The following MMP26 variants were observed in gnomAD, a reference collection of about 807,000 sequenced individuals.
MMP26 encodes the protein matrix metallopeptidase 26.
MMP26 carries 33 observed loss-of-function variants against 31.0 expected under a neutral mutation model. The observed-to-expected ratio is 1.06, with a 90% CI of 0.81 to 1.42. MMP26 has a LOEUF of 1.42. Among genes scored for constraint, MMP26 ranks in the 40% most tolerant of loss-of-function variants. The probability of loss-of-function intolerance (pLI) is 0.00; values close to 1 mark genes in which losing one functional copy is unlikely to be tolerated. For synonymous variants in MMP26, 122 were observed against 114.9 expected, an observed-to-expected ratio of 1.06 and a Z score of -0.40; for missense variants, 347 against 316.1, an observed-to-expected ratio of 1.10 and a Z score of -0.74.
intron 2 of MMP26, among the ~76,000 whole-genome samples, chr11:4,888,207 T>C (rs1280051953): frequency 1.3e-5 from 2 of 152,268 alleles, no homozygotes; most frequent in East Asian, 3.9e-4. Flanking sequence ...TGACTTATTC[T>C]AAATTTTATG....
chr11:4,769,031 A>G (rs2133419302), intron 2 of MMP26: 1 of 1,527,958 alleles, frequency 6.5e-7, no homozygotes, highest in Non-Finnish European at 8.8e-7. Flanking sequence ...TTTTGTTTTT[A>G]CACTGTCGAT....
chr11:4,815,047 A>G (rs2052145551), intron 2 of MMP26, among the ~76,000 whole-genome samples: 1 of 152,192 alleles, frequency 6.6e-6, no homozygotes, highest in South Asian at 2.1e-4. Flanking sequence ...CTGGAAAGGC[A>G]GGACAACTCA....
At chr11:4,821,797 G>A (rs1339075005) in intron 2 of MMP26, 1 of 1,613,030 alleles carries the variant, frequency 6.2e-7, no homozygotes, top group South Asian at 1.1e-5. Context: ...TGATCGTTTT[G>A]TGGCCATCTG....
intron 1 of MMP26, among the ~76,000 whole-genome samples, chr11:4,762,506 A>G (rs1044118044): frequency 6.6e-6 from 1 of 152,188 alleles, no homozygotes; most frequent in Non-Finnish European, 1.5e-5. Flanking sequence ...TGTTATAATA[A>G]TCAAGATAGT....
chr11:4,897,639 C>A (rs1850729430), intron 2 of MMP26, among the ~76,000 whole-genome samples: 3 of 151,876 alleles, frequency 2.0e-5, no homozygotes, highest in African/African-American at 7.2e-5. Flanking sequence ...ATTTCCTCAA[C>A]TGGCTTCTTA....
chr11:4,890,977 CAGAA>C (rs1850610457), intron 2 of MMP26, among the ~76,000 whole-genome samples: 1 of 83,628 alleles, frequency 1.2e-5, no homozygotes, highest in Non-Finnish European at 2.5e-5. Context: ...GGAATGAACT[CAGAA>C]TAATAATAAT....
chr11:4,866,189 G>A (rs1850231793), intron 2 of MMP26, among the ~76,000 whole-genome samples: 1 of 152,086 alleles, frequency 6.6e-6, no homozygotes, highest in South Asian at 2.1e-4. Flanking sequence ...GTAATCAGTG[G>A]TTATACTTAG....
intron 2 of MMP26, among the ~76,000 whole-genome samples, chr11:4,957,499 T>C (rs1846459986): frequency 2.0e-5 from 3 of 152,282 alleles, no homozygotes; most frequent in Middle Eastern, 3.4e-3. Flanking sequence ...TGTAAAACTT[T>C]TTTTTATTCC....
chr11:4,838,356 A>AAAAAAAT, intron 2 of MMP26, among the ~76,000 whole-genome samples: 1 of 132,714 alleles, frequency 7.5e-6, no homozygotes, highest in Non-Finnish European at 1.6e-5. Flanking sequence ...AAAAAAAAAA[A>AAAAAAAT]GTATGATATG....
At chr11:4,706,016 T>C (rs926527332) in intron 1 of MMP26, among the ~76,000 whole-genome samples, 2 of 151,810 alleles carry the variant, frequency 1.3e-5, no homozygotes, top group African/African-American at 4.8e-5. Flanking sequence ...TGGACCCATG[T>C]TTGCTAATAG....
At chr11:4,936,954 A>G (rs757432239) in intron 2 of MMP26, among the ~76,000 whole-genome samples, 29 of 152,244 alleles carry the variant, frequency 1.9e-4, no homozygotes, top group Non-Finnish European at 4.1e-4. Flanking sequence ...ACATTGCGTC[A>G]TCAACAAAAC....
intron 2 of MMP26, among the ~76,000 whole-genome samples, chr11:4,828,128 G>A (rs1589913476): frequency 6.6e-6 from 1 of 152,114 alleles, no homozygotes; most frequent in East Asian, 1.9e-4. Flanking sequence ...TTCTGAATGT[G>A]AAAAATCAAA....
chr11:4,982,736 A>T (rs1846832234), intron 2 of MMP26, among the ~76,000 whole-genome samples: 2 of 152,212 alleles, frequency 1.3e-5, no homozygotes, highest in Non-Finnish European at 2.9e-5. Context: ...TGACTTTTAA[A>T]TCCCTACGGG....
At chr11:4,929,131 A>G (rs1851311580) in intron 2 of MMP26, among the ~76,000 whole-genome samples, 1 of 152,134 alleles carries the variant, frequency 6.6e-6, no homozygotes, top group African/African-American at 2.4e-5. Flanking sequence ...ACCCAAAAAT[A>G]TGTGCAGCAG....
intron 2 of MMP26, among the ~76,000 whole-genome samples, chr11:4,797,080 T>G (rs1849117670): frequency 6.6e-6 from 1 of 152,062 alleles, no homozygotes; most frequent in Admixed American, 6.6e-5. Context: ...CAAATAAACT[T>G]GTCATATTTA....
intron 2 of MMP26, among the ~76,000 whole-genome samples, chr11:4,939,456 C>T (rs115846488): frequency 0.012 from 1,896 of 152,162 alleles, 36 homozygotes; most frequent in African/African-American, 0.041. Flanking sequence ...CACAGTTCCT[C>T]GGCTGTTTTC....
chr11:4,911,647 A>G (rs548268609), intron 2 of MMP26, among the ~76,000 whole-genome samples: 12 of 152,100 alleles, frequency 7.9e-5, no homozygotes, highest in East Asian at 3.9e-4. Flanking sequence ...TCTTCCCTCA[A>G]GTTTTATTTT....
chr11:4,806,992 C>A (rs1326150924), intron 2 of MMP26, among the ~76,000 whole-genome samples: 1 of 152,100 alleles, frequency 6.6e-6, no homozygotes, highest in East Asian at 1.9e-4. Flanking sequence ...ATACCCAGAC[C>A]ATCCTCATTG....
At chr11:4,923,655 T>A (rs1218438955) in intron 2 of MMP26, 1 of 1,613,878 alleles carries the variant, frequency 6.2e-7, no homozygotes, top group Non-Finnish European at 8.5e-7. Flanking sequence ...GAGGCAATGC[T>A]GAGCACGGTG....
Sources: allele counts gnomAD v4.1 joint callset (sites outside exome capture counted in the v4.1 genomes callset), GRCh38; gene constraint gnomAD v4.1.1; transcripts MANE v1.5; gene names NCBI Gene and HGNC (gene_info 2026-07-23, HGNC 2026-07-21).